Variants in SV2C observed in about 807,000 individuals in gnomAD.
The protein encoded by SV2C is synaptic vesicle glycoprotein 2C.
In SV2C, 49 loss-of-function variants were observed where a neutral mutation model predicts 79.7. The ratio of observed to expected loss-of-function variants is 0.61; its 90% CI spans 0.49 to 0.78. The LOEUF (loss-of-function observed/expected upper bound fraction) is 0.78. Among genes scored for constraint, SV2C ranks in the 30% least tolerant of loss-of-function variants. The pLI is 0.00. For synonymous variants in SV2C, 334 were observed against 333.2 expected, an observed-to-expected ratio of 1.00 and a Z score of -0.03; for missense variants, 833 against 912.9, an observed-to-expected ratio of 0.91 and a Z score of 1.13.
chr5:76,035,747 A>G, the SV2C span, among the ~76,000 whole-genome samples: 1 of 152,134 alleles, frequency 6.6e-6, no homozygotes, highest in Admixed American at 6.5e-5. Context: ...AGAGTTCTGT[A>G]GATGTCTATT....
intron 3 of SV2C, among the ~76,000 whole-genome samples, chr5:76,204,974 C>T (rs1166346867): frequency 3.9e-5 from 6 of 152,248 alleles, no homozygotes; most frequent in Non-Finnish European, 1.5e-5. Flanking sequence ...TTGTGTGCCT[C>T]ACATTTCCCA....
At chr5:76,259,455 A>T (rs1746394285) in intron 4 of SV2C, among the ~76,000 whole-genome samples, 2 of 151,976 alleles carry the variant, frequency 1.3e-5, no homozygotes, top group African/African-American at 2.4e-5. Flanking sequence ...TTTTAACTTT[A>T]ATTTCTGGGA....
At chr5:76,206,124 G>T (rs561497781) in intron 3 of SV2C, among the ~76,000 whole-genome samples, 29 of 152,116 alleles carry the variant, frequency 1.9e-4, no homozygotes, top group Non-Finnish European at 3.4e-4. Flanking sequence ...GCAATATTGA[G>T]GTAGAATCAT....
chr5:76,304,514 G>A lies in SV2C; in HGVS notation c.2000+2969G>A, dbSNP rs145498872. ...ATAGAACACAAAAATTCTGGCTAGA[G>A]GCTTTACTTCATTCTCTTGTGTTGC... is the stretch of plus-strand genomic sequence containing the variant. On this transcript the variant is annotated intron_variant, in intron 12 of 12. Coordinates refer to ENST00000502798, the MANE Select transcript of SV2C (RefSeq NM_014979.4). Among the ~76,000 whole-genome samples the A allele has an allele frequency of 1.0e-3, 152 of 152,340 alleles. 2 individuals carry two copies. The East Asian group carries it at 0.027, about 27-fold the overall frequency.
At chr5:76,114,027 A>T (rs1243228029) in intron 1 of SV2C, among the ~76,000 whole-genome samples, 1 of 152,168 alleles carries the variant, frequency 6.6e-6, no homozygotes, top group African/African-American at 2.4e-5. Context: ...GTACCAACAG[A>T]ACCCTGGGCA....
chr5:76,073,495 A>ATGTG, the SV2C span, among the ~76,000 whole-genome samples: 476 of 97,364 alleles, frequency 4.9e-3, 14 homozygotes, highest in African/African-American at 0.02. Flanking sequence ...TGTGGTATGT[A>ATGTG]TGTGTGTGTA....
the SV2C span, among the ~76,000 whole-genome samples, chr5:75,933,855 T>C: frequency 6.6e-6 from 1 of 152,332 alleles, no homozygotes; most frequent in Non-Finnish European, 1.5e-5. Context: ...CCACTGTATC[T>C]AGCTTCAGGA....
At chr5:75,977,286 C>T in the SV2C span, among the ~76,000 whole-genome samples, 1 of 152,126 alleles carries the variant, frequency 6.6e-6, no homozygotes. Flanking sequence ...TTACAGCAAT[C>T]AATCAGAAAG....
chr5:76,325,354 T>C lies in SV2C; in HGVS notation c.2001-10T>C, dbSNP rs372681013. The C allele has an allele frequency of 6.2e-7, 1 of 1,613,768 alleles. No homozygotes were observed. Among genetic ancestry groups the C allele is most frequent in the Non-Finnish European group, 8.5e-7 (1 of 1,179,870 alleles). On this transcript the variant is annotated splice_polypyrimidine_tract_variant and intron_variant, in intron 12 of 12. Transcript: ENST00000502798. The stretch of plus-strand genomic sequence containing the variant: ...TTTCTCAACCTTGTTCATGTCTCTT[T>C]CCTTTGCAGGGCAACAGGCTTTGGC...
chr5:76,221,979 C>T (rs1745078697), intron 4 of SV2C, among the ~76,000 whole-genome samples: 1 of 152,092 alleles, frequency 6.6e-6, no homozygotes, highest in Non-Finnish European at 1.5e-5. Context: ...ATCGTGAATA[C>T]ATTTTATAGT....
chr5:75,984,559 ATCTATCTATATC>A, the SV2C span, among the ~76,000 whole-genome samples: 6 of 99,522 alleles, frequency 6.0e-5, no homozygotes, highest in East Asian at 2.2e-4. Flanking sequence ...CTATCTATCT[ATCTATCTATATC>A]TATCTATCTA....
At chr5:76,261,248 G>T (rs1390968044) in intron 4 of SV2C, among the ~76,000 whole-genome samples, 3 of 152,032 alleles carry the variant, frequency 2.0e-5, no homozygotes, top group African/African-American at 7.2e-5. Flanking sequence ...CTGCTTGTCT[G>T]TTGTTGGTGT....
At position 76,313,922 on chromosome 5, in the gene SV2C, G is replaced by A. The variant is rs16873313; in HGVS notation, c.2001-11442G>A. Among the ~76,000 whole-genome samples the A allele has an allele frequency of 5.3e-3, 810 of 152,280 alleles. 5 individuals are homozygous for A. The highest frequency in any genetic ancestry group is 0.034 in the Middle Eastern group (10 of 294). ...TCTAAAATGATCTTTAAAGCACTAAGTAACCATCTCTGGCCTGTTGATTCT... is the reference window on the plus strand; with the variant it reads ...TCTAAAATGATCTTTAAAGCACTAAATAACCATCTCTGGCCTGTTGATTCT... On this transcript the variant is annotated intron_variant, in intron 12 of 12. Transcript: ENST00000502798.
the SV2C span, among the ~76,000 whole-genome samples, chr5:76,002,806 A>G: frequency 6.6e-6 from 1 of 152,038 alleles, no homozygotes; most frequent in Non-Finnish European, 1.5e-5. Flanking sequence ...AAAATGATAA[A>G]AATAAAAAGA....
chr5:76,140,576 T>C (rs1271472690), intron 2 of SV2C, among the ~76,000 whole-genome samples: 1 of 152,160 alleles, frequency 6.6e-6, no homozygotes, highest in African/African-American at 2.4e-5. Context: ...AGTGACTGGC[T>C]CACGGTGCAT....
chr5:76,129,775 G>A (rs1268259302), intron 1 of SV2C, among the ~76,000 whole-genome samples: 1 of 152,106 alleles, frequency 6.6e-6, no homozygotes, highest in Non-Finnish European at 1.5e-5. Flanking sequence ...AAGGCACTGG[G>A]GTAGTGCTGT....
the SV2C span, among the ~76,000 whole-genome samples, chr5:75,900,955 T>C: frequency 1.3e-5 from 2 of 152,242 alleles, no homozygotes; most frequent in African/African-American, 2.4e-5. Context: ...TAAGCACTTT[T>C]CTGTATTGGT....
chr5:76,095,468 A>G (rs1190738192), intron 1 of SV2C, among the ~76,000 whole-genome samples: 1 of 152,112 alleles, frequency 6.6e-6, no homozygotes, highest in African/African-American at 2.4e-5. Flanking sequence ...CTTATTGCAT[A>G]GTTATTTATC....
the SV2C span, among the ~76,000 whole-genome samples, chr5:75,944,176 C>T: frequency 2.6e-5 from 4 of 152,058 alleles, no homozygotes; most frequent in Non-Finnish European, 4.4e-5. Context: ...TGTCACCATG[C>T]CTGCTCAAGA....
Sources: gnomAD v4.1 joint callset for allele counts (sites outside exome capture counted in the v4.1 genomes callset) on GRCh38, gnomAD v4.1.1 for gene constraint, MANE v1.5 for transcripts, NCBI Gene and HGNC (gene_info 2026-07-23, HGNC 2026-07-21) for gene names.